The following CPEB3 variants were observed in gnomAD, a reference collection of about 807,000 sequenced individuals.
The protein encoded by CPEB3 is cytoplasmic polyadenylation element binding protein 3.
A neutral mutation model predicts 67.2 loss-of-function variants in CPEB3; 20 were observed. The observed-to-expected ratio is 0.30, with a 90% CI of 0.21 to 0.43. The LOEUF is 0.43. Ranked by LOEUF, CPEB3 falls within the 20% of genes least tolerant of loss-of-function variation. CPEB3 has a pLI of 1.00. For synonymous variants in CPEB3, 376 were observed against 393.1 expected (o/e 0.96, Z 0.51); for missense variants, 746 against 968.6 (o/e 0.77, Z 3.05).
At chr10:92,185,606 T>C (rs1490739776) in intron 3 of CPEB3, among the ~76,000 whole-genome samples, 2 of 152,216 alleles carry the variant, frequency 1.3e-5, no homozygotes, top group Non-Finnish European at 2.9e-5. Flanking sequence ...TCTCTTTACT[T>C]CTACAATATG....
At chr10:92,193,434 C>T (rs933147774) in intron 2 of CPEB3, among the ~76,000 whole-genome samples, 1 of 151,736 alleles carries the variant, frequency 6.6e-6, no homozygotes, top group Non-Finnish European at 1.5e-5. Flanking sequence ...CAGAGATGTT[C>T]CCCCCACCCC....
rs544287812 is a variant in CPEB3 at position 92,095,659 on chromosome 10, T to C, written c.1573-3715A>G. Among the ~76,000 whole-genome samples, 4 of 149,336 alleles carry C rather than the reference T, an allele frequency of 2.7e-5. No individual in the cohort carries two copies. In the South Asian group the frequency reaches 8.3e-4, roughly 31 times the overall value. ...GTATATATATAATATATATACTTCA[T>C]TGTAATATCATACTTTATAAGCTAA... On this transcript the variant is annotated intron_variant, in intron 7 of 9. Transcript: ENST00000265997.
chr10:92,280,765 T>TTG (rs1353787617), intron 1 of CPEB3, among the ~76,000 whole-genome samples: 1 of 143,898 alleles, frequency 6.9e-6, no homozygotes, highest in African/African-American at 2.6e-5. Flanking sequence ...TTTTTTTTTT[T>TTG]TTTTTTTTTT....
intron 9 of CPEB3, among the ~76,000 whole-genome samples, chr10:92,071,510 T>C (rs997888438): frequency 3.3e-5 from 5 of 151,946 alleles, no homozygotes. Flanking sequence ...GGCAGGTGGA[T>C]CACGAGGTCA....
chr10:92,162,062 T>G (rs2133957367), intron 4 of CPEB3, among the ~76,000 whole-genome samples: 1 of 152,330 alleles, frequency 6.6e-6, no homozygotes, highest in South Asian at 2.1e-4. Flanking sequence ...AGATACAATA[T>G]TCTTTCAAAG....
rs892188530 is a variant in CPEB3 at position 92,275,819 on chromosome 10, A to C, written c.-12+15107T>G. Among the ~76,000 whole-genome samples the C allele has an allele frequency of 8.0e-5, 12 of 149,608 alleles. No homozygotes were observed. The South Asian group carries it at 2.1e-3, about 26-fold the overall frequency. ...TGTTTTCAAGGTTCATCCATGTTAT[A>C]GCATGTATCAGTACTTCATTCTTTT... On this transcript the variant is annotated intron_variant, in intron 1 of 9. Coordinates refer to ENST00000265997, the MANE Select transcript of CPEB3 (RefSeq NM_014912.5).
intron 1 of CPEB3, among the ~76,000 whole-genome samples, chr10:92,289,930 G>C (rs909018802): frequency 2.6e-4 from 31 of 121,068 alleles, no homozygotes; most frequent in Admixed American, 4.9e-4. Context: ...GTGTGTGGTG[G>C]GGGGGGGTGG....
At chr10:92,278,975 A>G (rs150766720) in intron 1 of CPEB3, among the ~76,000 whole-genome samples, 3 of 151,852 alleles carry the variant, frequency 2.0e-5, no homozygotes, top group East Asian at 3.9e-4. Context: ...AGATCATTTC[A>G]TCTACAAATA....
chr10:92,191,283 TC>T (rs1848969963), intron 3 of CPEB3, among the ~76,000 whole-genome samples: 1 of 151,730 alleles, frequency 6.6e-6, no homozygotes, highest in African/African-American at 2.4e-5. Flanking sequence ...GCACCTGTAA[TC>T]CCAGCTACTT....
chr10:92,275,949 C>T (rs549358316), intron 1 of CPEB3, among the ~76,000 whole-genome samples: 5 of 149,908 alleles, frequency 3.3e-5, no homozygotes, highest in African/African-American at 4.9e-5. Context: ...CCTGGGTTCA[C>T]GCCATTCTCC....
chr10:92,255,992 T>C (rs2134835161), intron 1 of CPEB3, among the ~76,000 whole-genome samples: 2 of 152,338 alleles, frequency 1.3e-5, no homozygotes, highest in Middle Eastern at 6.8e-3. Flanking sequence ...CAGAAGATCC[T>C]ATTAGCACCT....
chr10:92,218,094 A>G (rs1190575169), intron 2 of CPEB3, among the ~76,000 whole-genome samples: 1 of 152,146 alleles, frequency 6.6e-6, no homozygotes, highest in Non-Finnish European at 1.5e-5. Context: ...CCTGGGTAAA[A>G]GAGTGAGACC....
intron 1 of CPEB3, among the ~76,000 whole-genome samples, chr10:92,283,943 G>A (rs1842418625): frequency 1.3e-5 from 2 of 150,814 alleles, no homozygotes; most frequent in Non-Finnish European, 3.0e-5. Flanking sequence ...GTCCAGGGTG[G>A]TCGCGAACTC....
rs976759459 is a variant in CPEB3, at chr10:92,047,296, A to G, written c.*4916T>C. On this transcript the variant is annotated 3_prime_UTR_variant, in exon 10 of 10. Coordinates refer to ENST00000265997, the MANE Select transcript of CPEB3 (RefSeq NM_014912.5). ...AAAAACAAATGTTAGCTGACATACC[A>G]TACAAGCTAGTGAAAAGCAACAATC... 1 of 152,118 alleles carries G rather than the reference A, an allele frequency of 6.6e-6. No individual in the cohort carries two copies. Among genetic ancestry groups the G allele is most frequent in the Non-Finnish European group, 1.5e-5 (1 of 68,026 alleles). 9.4% of individuals were successfully genotyped at this position (152,118 alleles called of 1,614,324 possible).
intron 9 of CPEB3, among the ~76,000 whole-genome samples, chr10:92,070,531 C>T (rs1317731695): frequency 1.3e-5 from 2 of 152,038 alleles, no homozygotes; most frequent in African/African-American, 4.8e-5. Context: ...AATCCCAGCA[C>T]TTTGGGAGGC....
chr10:92,259,472 A>G (rs973212154), intron 1 of CPEB3, among the ~76,000 whole-genome samples: 1 of 151,968 alleles, frequency 6.6e-6, no homozygotes, highest in Non-Finnish European at 1.5e-5. Flanking sequence ...GTGGTGGCAC[A>G]TGCCTATAAT....
intron 1 of CPEB3, among the ~76,000 whole-genome samples, chr10:92,277,107 C>A (rs996366752): frequency 6.6e-6 from 1 of 152,158 alleles, no homozygotes; most frequent in African/African-American, 2.4e-5. Context: ...TGTCTTTCCA[C>A]TTCTTAGTAT....
chr10:92,235,630 C>A (rs1851494379), intron 2 of CPEB3, among the ~76,000 whole-genome samples: 1 of 152,122 alleles, frequency 6.6e-6, no homozygotes, highest in African/African-American at 2.4e-5. Context: ...AATATTATTC[C>A]CATTTTACAG....
intron 6 of CPEB3, among the ~76,000 whole-genome samples, chr10:92,135,907 G>A (rs1363476127): frequency 5.9e-5 from 9 of 151,372 alleles, no homozygotes; most frequent in Non-Finnish European, 1.2e-4. Flanking sequence ...AAACTATCAC[G>A]AGGATAGAAA....
Sources: allele counts gnomAD v4.1 joint callset (sites outside exome capture counted in the v4.1 genomes callset), GRCh38; gene constraint gnomAD v4.1.1; transcripts MANE v1.5; gene names NCBI Gene and HGNC (gene_info 2026-07-23, HGNC 2026-07-21).